Variants in STAG1 observed in about 807,000 individuals in gnomAD.
STAG1 encodes the protein STAG1 cohesin complex component, also known as cohesin subunit SA-1.
STAG1 carries 26 observed loss-of-function variants against 170.9 expected under a neutral mutation model. The ratio of observed to expected loss-of-function variants is 0.15; its 90% confidence interval spans 0.11 to 0.21. The LOEUF (loss-of-function observed/expected upper bound fraction) is 0.21, where lower values mean the gene tolerates loss of function less well. Ranked by LOEUF, STAG1 falls within the 10% of genes least tolerant of loss-of-function variation. STAG1 has a pLI of 1.00. For synonymous variants in STAG1, 514 were observed against 497.7 expected (o/e 1.03, Z -0.44); for missense variants, 964 against 1,509.5 (o/e 0.64, Z 5.99).
At chr3:136,623,321 C>T in intron 2 of STAG1, 73 bp from the exon 3 acceptor site, 1 of 1,362,182 alleles carries the variant, frequency 7.3e-7, no homozygotes, top group South Asian at 1.2e-5. Context: ...ACTTTCCTTA[C>T]CACCTGCTAT....
At chr3:136,672,319 C>A (rs1046249777) in intron 1 of STAG1, among the ~76,000 whole-genome samples, 6 of 152,116 alleles carry the variant, frequency 3.9e-5, no homozygotes, top group African/African-American at 1.4e-4. Flanking sequence ...ATGTGTGTTT[C>A]AACACAAAAC....
chr3:136,458,256 A>G (rs1305303982), intron 13 of STAG1, among the ~76,000 whole-genome samples: 1 of 152,112 alleles, frequency 6.6e-6, no homozygotes, highest in Non-Finnish European at 1.5e-5. Flanking sequence ...TCCTAGGTTC[A>G]AGCAATTCTC....
chr3:136,739,908 C>G (rs1436732537), intron 1 of STAG1, among the ~76,000 whole-genome samples: 1 of 152,066 alleles, frequency 6.6e-6, no homozygotes, highest in Non-Finnish European at 1.5e-5. Flanking sequence ...CTTATAAACA[C>G]TGCCACTTAC....
intron 1 of STAG1, among the ~76,000 whole-genome samples, chr3:136,711,536 G>C (rs1384645268): frequency 6.6e-6 from 1 of 150,622 alleles, no homozygotes; most frequent in Non-Finnish European, 1.5e-5. Context: ...ACGCCAGCCT[G>C]GGAAACAGAG....
chr3:136,567,975 G>A (rs1937144548), intron 5 of STAG1, among the ~76,000 whole-genome samples: 1 of 151,822 alleles, frequency 6.6e-6, no homozygotes, highest in Non-Finnish European at 1.5e-5. Flanking sequence ...TTACGGCAGA[G>A]ACTGCCTTGA....
chr3:136,571,891 G>A (rs1442249754), intron 4 of STAG1, among the ~76,000 whole-genome samples: 1 of 151,858 alleles, frequency 6.6e-6, no homozygotes, highest in Non-Finnish European at 1.5e-5. Flanking sequence ...TCTCTAAAAT[G>A]AATAAATAAG....
intron 6 of STAG1, among the ~76,000 whole-genome samples, chr3:136,524,908 T>A (rs559755240): frequency 5.9e-5 from 9 of 152,328 alleles, no homozygotes; most frequent in Admixed American, 3.9e-4. Flanking sequence ...TATTGATTTG[T>A]GTATGGTGAA....
intron 20 of STAG1, among the ~76,000 whole-genome samples, chr3:136,418,625 T>C (rs2087851911): frequency 1.3e-5 from 2 of 151,680 alleles, no homozygotes; most frequent in South Asian, 4.1e-4. Context: ...ATAAAATCCC[T>C]TTATTGTATA....
chr3:136,609,142 C>G (rs1286672527), intron 3 of STAG1: 1 of 153,720 alleles, frequency 6.5e-6, no homozygotes, highest in South Asian at 2.1e-4. Flanking sequence ...GCTAAACCTG[C>G]TCCTGAAAAG....
At chr3:136,398,964 T>C in intron 21 of STAG1, 135 bp from the exon 22 acceptor site, 1 of 417,534 alleles carries the variant, frequency 2.4e-6, no homozygotes, top group Non-Finnish European at 4.3e-6. Context: ...TTTGTATAAT[T>C]AATGAGAATG....
intron 32 of STAG1, 99 bp from the exon 33 acceptor site, chr3:136,338,549 G>C: frequency 2.5e-6 from 2 of 802,394 alleles, no homozygotes; most frequent in Non-Finnish European, 4.1e-6. Context: ...TAAATATATG[G>C]AACTGCTAAG....
intron 16 of STAG1, among the ~76,000 whole-genome samples, chr3:136,432,721 G>A (rs922916258): frequency 2.6e-5 from 4 of 152,108 alleles, no homozygotes; most frequent in Non-Finnish European, 5.9e-5. Flanking sequence ...TGGCCAGGCT[G>A]GTCTTGAACT....
At chr3:136,391,414 G>A (rs1184757133) in intron 22 of STAG1, among the ~76,000 whole-genome samples, 1 of 132,642 alleles carries the variant, frequency 7.5e-6, no homozygotes, top group African/African-American at 2.9e-5. Context: ...GTCTCACTCT[G>A]TCGCCAAGCT....
At chr3:136,465,190 A>G (rs942626171) in intron 12 of STAG1, among the ~76,000 whole-genome samples, 3 of 151,756 alleles carry the variant, frequency 2.0e-5, no homozygotes, top group Non-Finnish European at 4.4e-5. Flanking sequence ...ATTCAACGAG[A>G]AGAAAATAAA....
intron 13 of STAG1, among the ~76,000 whole-genome samples, chr3:136,459,254 A>C (rs2089208522): frequency 6.6e-6 from 1 of 152,004 alleles, no homozygotes; most frequent in Non-Finnish European, 1.5e-5. Flanking sequence ...AAAGAAAAGA[A>C]AAAAAGACAA....
rs563608169 is a variant in STAG1, at chr3:136,656,924, A to G, written c.-83-25943T>C. Among the ~76,000 whole-genome samples, 6 of 152,218 alleles carry G rather than the reference A, an allele frequency of 3.9e-5. No homozygotes were observed. In the South Asian group the frequency reaches 1.2e-3, roughly 32 times the overall value. ...TAGTTCAGCAATTCCTCTTCTAAAA[A>G]TATTTCCTAAAGCAAAAATAAATAC... On this transcript the variant is annotated intron_variant, in intron 1 of 33. Coordinates refer to ENST00000383202, the MANE Select transcript of STAG1 (RefSeq NM_005862.3).
At chr3:136,620,745 A>G (rs1276582654) in intron 3 of STAG1, among the ~76,000 whole-genome samples, 2 of 150,916 alleles carry the variant, frequency 1.3e-5, no homozygotes, top group East Asian at 3.8e-4. Flanking sequence ...AGACTGAAAT[A>G]TAAATAAAAC....
intron 5 of STAG1, among the ~76,000 whole-genome samples, chr3:136,551,245 GAGAGAGAGA>G: frequency 6.8e-6 from 1 of 146,978 alleles, no homozygotes; most frequent in Admixed American, 6.8e-5. Flanking sequence ...GAGAGAGAGA[GAGAGAGAGA>G]GAGAGAGGGA....
At chr3:136,392,435 C>T (rs1360612574) in intron 22 of STAG1, among the ~76,000 whole-genome samples, 1 of 151,898 alleles carries the variant, frequency 6.6e-6, no homozygotes, top group Non-Finnish European at 1.5e-5. Context: ...ATTGTAATCT[C>T]AATAAAATTA....
Sources: gnomAD v4.1 joint callset for allele counts (sites outside exome capture counted in the v4.1 genomes callset) on GRCh38, gnomAD v4.1.1 for gene constraint, MANE v1.5 for transcripts, NCBI Gene and HGNC (gene_info 2026-07-23, HGNC 2026-07-21) for gene names.